The following EPHA4 variants were observed in gnomAD, a reference collection of about 807,000 sequenced individuals.
The protein encoded by EPHA4 is EPH receptor A4, also known as ephrin type-A receptor 4.
Under a neutral mutation model 108.3 loss-of-function variants are expected in EPHA4, and 19 were observed. The observed-to-expected ratio is 0.18, with a 90% CI of 0.12 to 0.26. The LOEUF is 0.26. Ranked by LOEUF, EPHA4 falls within the 10% of genes least tolerant of loss-of-function variation. EPHA4 has a pLI of 1.00. For synonymous variants in EPHA4, 449 were observed against 455.5 expected, an observed-to-expected ratio of 0.99 and a Z score of 0.18; for missense variants, 917 against 1,254.0, an observed-to-expected ratio of 0.73 and a Z score of 4.06.
Position 221,436,439 on chromosome 2 carries a change from CG to C in EPHA4, c.2305del (p.Arg769GlufsTer49). The C allele has an allele frequency of 6.2e-7, 1 of 1,614,160 alleles. No individual in the cohort carries two copies. The highest frequency in any genetic ancestry group is 8.5e-7 in the Non-Finnish European group (1 of 1,180,018). ...TGCTTCCGGATCATCCTCAAGCACT[CG>C]GGACATGCCAAAATCAGACACTTTG... Reference protein sequence around the residue: ...VCKVSDFGMSRVLEDDPEAAY... With the variant: ...VCKVSDFGMSXVLEDDPEAAY... On this transcript the variant is annotated frameshift_variant, in exon 13 of 18. Coordinates refer to ENST00000281821, the MANE Select transcript of EPHA4 (RefSeq NM_004438.5). LOFTEE classifies it high-confidence loss of function.
chr2:221,470,850 C>T (rs1006906170), intron 5 of EPHA4, among the ~76,000 whole-genome samples: 3 of 152,058 alleles, frequency 2.0e-5, no homozygotes, highest in African/African-American at 7.2e-5. Context: ...TTCTTGCAGA[C>T]CTCATATTTG....
chr2:221,530,685 T>C (rs1027293697), intron 3 of EPHA4, among the ~76,000 whole-genome samples: 3 of 152,140 alleles, frequency 2.0e-5, no homozygotes, highest in African/African-American at 7.2e-5. Context: ...GGGTATATGA[T>C]TTGGGTTTGG....
chr2:221,569,676 G>A (rs1290412809), intron 1 of EPHA4, among the ~76,000 whole-genome samples: 1 of 151,938 alleles, frequency 6.6e-6, no homozygotes, highest in African/African-American at 2.4e-5. Flanking sequence ...GCAGTCCTGG[G>A]GGTCGAAAGG....
At chr2:221,453,314 A>G (rs1405888460) in intron 8 of EPHA4, among the ~76,000 whole-genome samples, 1 of 152,214 alleles carries the variant, frequency 6.6e-6, no homozygotes, top group Non-Finnish European at 1.5e-5. Flanking sequence ...ATTTCTGTAT[A>G]CTGTGAACAT....
At chr2:221,538,134 G>A (rs1693726312) in intron 3 of EPHA4, among the ~76,000 whole-genome samples, 1 of 152,210 alleles carries the variant, frequency 6.6e-6, no homozygotes, top group Admixed American at 6.5e-5. Context: ...CTAAAACGTA[G>A]TGGGATGAAA....
intron 4 of EPHA4, among the ~76,000 whole-genome samples, chr2:221,493,383 A>G (rs1692207007): frequency 2.6e-5 from 4 of 152,310 alleles, no homozygotes; most frequent in South Asian, 4.2e-4. Flanking sequence ...ACAGAATAAC[A>G]GGGGCACCTT....
At chr2:221,569,963 C>G (rs1435709150) in intron 1 of EPHA4, among the ~76,000 whole-genome samples, 1 of 152,066 alleles carries the variant, frequency 6.6e-6, no homozygotes, top group Non-Finnish European at 1.5e-5. Context: ...CTGGGTCGCT[C>G]CCGCCTGGAG....
chr2:221,421,787 C>A (rs1400642452), intron 17 of EPHA4, among the ~76,000 whole-genome samples: 1 of 152,172 alleles, frequency 6.6e-6, no homozygotes. Flanking sequence ...TAATTAAGAC[C>A]AAAATGCACT....
At chr2:221,528,857 C>G (rs1574637104) in intron 3 of EPHA4, among the ~76,000 whole-genome samples, 1 of 152,134 alleles carries the variant, frequency 6.6e-6, no homozygotes, top group South Asian at 2.1e-4. Context: ...ATAAATGGCC[C>G]ACACAACTAA....
intron 5 of EPHA4, among the ~76,000 whole-genome samples, chr2:221,464,784 T>A (rs1001980077): frequency 6.6e-6 from 1 of 152,170 alleles, no homozygotes; most frequent in African/African-American, 2.4e-5. Context: ...CAGCTTTTAG[T>A]TGCTACATCA....
At chr2:221,531,011 T>A (rs1320428376) in intron 3 of EPHA4, among the ~76,000 whole-genome samples, 1 of 152,178 alleles carries the variant, frequency 6.6e-6, no homozygotes, top group Non-Finnish European at 1.5e-5. Context: ...GAGAGTCACA[T>A]GATCAGCCAA....
rs1407190624 is a variant in EPHA4, at chr2:221,501,009, C to T, written c.979+8G>A. 6 of 1,585,940 alleles carry T rather than the reference C, an allele frequency of 3.8e-6. No homozygotes were observed. Among genetic ancestry groups the T allele is most frequent in the Non-Finnish European group, 4.3e-6 (5 of 1,168,038 alleles). ...ATCACAGGAATGAGAGACAAGCATA[C>T]AACTTACGGGTGCAGGGCATAGAGG... is the stretch of plus-strand genomic sequence containing the variant. On this transcript the variant is annotated splice_region_variant and intron_variant, in intron 4 of 17. Coordinates refer to ENST00000281821, the MANE Select transcript of EPHA4 (RefSeq NM_004438.5).
rs1694851948 is a variant in EPHA4 at position 221,571,954 on chromosome 2, C to T, written c.91+204G>A. 6.6e-6 allele frequency among the ~76,000 whole-genome samples: 1 copy of T among 152,160 alleles called. No homozygotes were observed. Among genetic ancestry groups the T allele is most frequent in the Non-Finnish European group, 1.5e-5 (1 of 68,032 alleles). On this transcript the variant is annotated intron_variant, in intron 1 of 17. Transcript: ENST00000281821. This position sits in a 1 kb window ranked among gnomAD's most constrained non-coding sequence, Gnocchi z 6.3. ...AACTTGGACAGACCCGCCGCGTGCA[C>T]GGGTCACCGCCTCGGGGCAGGCTGT...
intron 4 of EPHA4, among the ~76,000 whole-genome samples, chr2:221,494,765 G>A (rs1029926978): frequency 4.6e-5 from 7 of 152,078 alleles, no homozygotes; most frequent in Admixed American, 3.3e-4. Context: ...GGTTGACCAC[G>A]CCCAGTCCTG....
At position 221,477,852 on chromosome 2, in the gene EPHA4, C is replaced by T. The variant is rs117217278; in HGVS notation, c.1318+4500G>A. Among the ~76,000 whole-genome samples, 52 of 152,250 alleles carry T rather than the reference C, an allele frequency of 3.4e-4. 1 individual carries two copies. The East Asian group carries it at 8.9e-3, about 26-fold the overall frequency. On this transcript the variant is annotated intron_variant, in intron 5 of 17. Coordinates refer to ENST00000281821, the MANE Select transcript of EPHA4 (RefSeq NM_004438.5). ...AAACGGAAAAGATCTTAGAGATTAG[C>T]TGGTTTAAATAATTACGTAATGCAT...
At chr2:221,477,286 T>C (rs1356558190) in intron 5 of EPHA4, among the ~76,000 whole-genome samples, 2 of 152,166 alleles carry the variant, frequency 1.3e-5, no homozygotes, top group Admixed American at 6.5e-5. Flanking sequence ...CTTCCCTATG[T>C]GTTCAGCCAC....
At chr2:221,482,048 G>A (rs1474264522) in intron 5 of EPHA4, among the ~76,000 whole-genome samples, 1 of 152,122 alleles carries the variant, frequency 6.6e-6, no homozygotes, top group African/African-American at 2.4e-5. Context: ...GGGACTACAG[G>A]TTTGTACCAC....
intron 16 of EPHA4, 101 bp downstream of exon 16, chr2:221,426,363 T>C: frequency 7.3e-7 from 1 of 1,376,926 alleles, no homozygotes; most frequent in Non-Finnish European, 9.7e-7. Context: ...GCATTCCAGA[T>C]TTTTTTTAAA....
intron 14 of EPHA4, among the ~76,000 whole-genome samples, chr2:221,431,370 AAG>A (rs1690070702): frequency 6.6e-6 from 1 of 152,230 alleles, no homozygotes; most frequent in African/African-American, 2.4e-5. Flanking sequence ...TTCGAAAGAA[AAG>A]AGTCTGTTGG....
Sources: allele counts gnomAD v4.1 joint callset (sites outside exome capture counted in the v4.1 genomes callset), GRCh38; gene constraint gnomAD v4.1.1; non-coding constraint Gnocchi (gnomAD v3.1); transcripts MANE v1.5; gene names NCBI Gene and HGNC (gene_info 2026-07-23, HGNC 2026-07-21).